COMMD10: variants seen among roughly 807,000 people sequenced by gnomAD.
The protein encoded by COMMD10 is COMM domain-containing protein 10.
A neutral mutation model predicts 28.9 loss-of-function variants in COMMD10; 33 were observed. The ratio of observed to expected loss-of-function variants is 1.14; its 90% CI spans 0.87 to 1.53. The LOEUF (loss-of-function observed/expected upper bound fraction) is 1.53. COMMD10 is among the 40% of genes most tolerant of loss of function. The pLI is 0.00. For synonymous variants in COMMD10, 110 were observed against 81.7 expected (o/e 1.35, Z -1.87); for missense variants, 310 against 233.4 (o/e 1.33, Z -2.14).
rs558265668 is a variant in COMMD10 at position 116,194,033 on chromosome 5, T to G, written c.510+59855T>G. On this transcript the variant is annotated intron_variant, in intron 5 of 6. Coordinates refer to ENST00000274458, the MANE Select transcript of COMMD10 (RefSeq NM_016144.4). ...AAAGGAACCTTCAAAACCATGCAAA[T>G]ACATGGAAATTAAATAACTTGCTCC... Among the ~76,000 whole-genome samples, 4 of 152,074 alleles carry G rather than the reference T, an allele frequency of 2.6e-5. No individual in the cohort carries two copies. The South Asian group carries it at 6.2e-4, about 24-fold the overall frequency.
intron 5 of COMMD10, among the ~76,000 whole-genome samples, chr5:116,199,224 C>G (rs1225530902): frequency 6.6e-6 from 1 of 151,992 alleles, no homozygotes; most frequent in Non-Finnish European, 1.5e-5. Context: ...TGTGGAGCAT[C>G]TTTTTATATA....
chr5:116,126,732 C>T (rs1031795709), intron 4 of COMMD10, among the ~76,000 whole-genome samples: 3 of 152,140 alleles, frequency 2.0e-5, no homozygotes, highest in Non-Finnish European at 4.4e-5. Flanking sequence ...ATGTAGAAAG[C>T]TGAAACTGGA....
chr5:116,209,974 G>C (rs1408118908), intron 5 of COMMD10, among the ~76,000 whole-genome samples: 1 of 152,184 alleles, frequency 6.6e-6, no homozygotes, highest in Non-Finnish European at 1.5e-5. Flanking sequence ...AGAAATCTGA[G>C]AGCAGGATGC....
chr5:116,239,372 T>C (rs974289584), intron 5 of COMMD10, among the ~76,000 whole-genome samples: 3 of 152,188 alleles, frequency 2.0e-5, no homozygotes, highest in African/African-American at 7.2e-5. Flanking sequence ...AGAATTGCCA[T>C]AATCAATGGA....
chr5:116,255,291 C>A lies in COMMD10; in HGVS notation c.511-36226C>A, dbSNP rs569927970. Among the ~76,000 whole-genome samples the A allele has an allele frequency of 4.6e-5, 7 of 151,764 alleles. No individual in the cohort carries two copies. The South Asian group carries it at 1.2e-3, about 27-fold the overall frequency. On this transcript the variant is annotated intron_variant, in intron 5 of 6. Transcript: ENST00000274458. ...TGTCTTTTAGTTGGAGCATTTAGTC[C>A]ATTTACATTTAAAGTTAATAGTGTT... is the stretch of plus-strand genomic sequence containing the variant.
intron 5 of COMMD10, among the ~76,000 whole-genome samples, chr5:116,155,974 T>C (rs923109492): frequency 6.6e-6 from 1 of 152,144 alleles, no homozygotes; most frequent in Admixed American, 6.6e-5. Context: ...AAGTTTATTA[T>C]ATTTAAAAAA....
At chr5:116,141,638 A>G (rs1381536145) in intron 5 of COMMD10, among the ~76,000 whole-genome samples, 2 of 151,744 alleles carry the variant, frequency 1.3e-5, no homozygotes, top group African/African-American at 2.4e-5. Context: ...ATATTTATTT[A>G]TAGGCATTTT....
At chr5:116,142,855 T>C (rs1253302065) in intron 5 of COMMD10, among the ~76,000 whole-genome samples, 1 of 151,722 alleles carries the variant, frequency 6.6e-6, no homozygotes, top group Non-Finnish European at 1.5e-5. Context: ...ATGTGTTAGA[T>C]AATTGCCAAG....
At chr5:116,274,665 G>T (rs1055098717) in intron 5 of COMMD10, among the ~76,000 whole-genome samples, 1 of 151,728 alleles carries the variant, frequency 6.6e-6, no homozygotes, top group Non-Finnish European at 1.5e-5. Flanking sequence ...ACCAGTCCTT[G>T]TCTCATTTGG....
At chr5:116,209,336 A>G (rs1342927235) in intron 5 of COMMD10, among the ~76,000 whole-genome samples, 4 of 152,178 alleles carry the variant, frequency 2.6e-5, no homozygotes, top group African/African-American at 9.6e-5. Flanking sequence ...AACAGAAAAG[A>G]TTATCTTAAC....
intron 5 of COMMD10, among the ~76,000 whole-genome samples, chr5:116,266,862 T>A (rs1027954588): frequency 2.6e-5 from 4 of 151,920 alleles, no homozygotes; most frequent in African/African-American, 7.3e-5. Flanking sequence ...ATTATCTCAA[T>A]AGATGCAGAA....
chr5:116,115,072 C>T (rs1189344015), intron 4 of COMMD10, among the ~76,000 whole-genome samples: 1 of 152,102 alleles, frequency 6.6e-6, no homozygotes, highest in Non-Finnish European at 1.5e-5. Context: ...GTTCCCAGGT[C>T]ACACAATTTG....
chr5:116,221,007 T>C (rs964622411), intron 5 of COMMD10, among the ~76,000 whole-genome samples: 1 of 152,096 alleles, frequency 6.6e-6, no homozygotes, highest in African/African-American at 2.4e-5. Flanking sequence ...GACCTTAGAT[T>C]ATAATTCTCC....
chr5:116,233,659 C>T (rs1187185347), intron 5 of COMMD10, among the ~76,000 whole-genome samples: 3 of 152,062 alleles, frequency 2.0e-5, no homozygotes, highest in Admixed American at 6.6e-5. Flanking sequence ...GGATAAACCA[C>T]GAGGAATGTT....
chr5:116,200,154 CAATTA>C (rs1013955114), intron 5 of COMMD10, among the ~76,000 whole-genome samples: 12 of 152,060 alleles, frequency 7.9e-5, no homozygotes, highest in Admixed American at 3.3e-4. Flanking sequence ...TTAAAATGCA[CAATTA>C]AATTATTATT....
At chr5:116,151,410 A>C (rs941663189) in intron 5 of COMMD10, among the ~76,000 whole-genome samples, 3 of 151,888 alleles carry the variant, frequency 2.0e-5, no homozygotes, top group African/African-American at 7.3e-5. Context: ...TTTTCTATTG[A>C]TTGGAATAGT....
intron 5 of COMMD10, among the ~76,000 whole-genome samples, chr5:116,142,863 A>T (rs1752236915): frequency 6.6e-6 from 1 of 151,728 alleles, no homozygotes; most frequent in Non-Finnish European, 1.5e-5. Flanking sequence ...GATAATTGCC[A>T]AGATACTTTG....
At chr5:116,210,162 G>C (rs1748921526) in intron 5 of COMMD10, among the ~76,000 whole-genome samples, 1 of 152,096 alleles carries the variant, frequency 6.6e-6, no homozygotes, top group Non-Finnish European at 1.5e-5. Context: ...ATTCACAAGG[G>C]TGGTATCCAC....
chr5:116,243,848 A>G (rs1432997361), intron 5 of COMMD10, among the ~76,000 whole-genome samples: 2 of 152,142 alleles, frequency 1.3e-5, no homozygotes. Flanking sequence ...CTGGGCTTGA[A>G]CCACATCAAG....
Sources: gnomAD v4.1 joint callset for allele counts (sites outside exome capture counted in the v4.1 genomes callset) on GRCh38, gnomAD v4.1.1 for gene constraint, MANE v1.5 for transcripts, NCBI Gene and HGNC (gene_info 2026-07-23, HGNC 2026-07-21) for gene names.